MYO18A: variants seen among roughly 807,000 people sequenced by gnomAD.
MYO18A encodes the protein myosin XVIIIA.
In MYO18A, 78 loss-of-function variants were observed where a neutral mutation model predicts 235.8. The observed-to-expected ratio is 0.33, with a 90% CI of 0.28 to 0.40. MYO18A has a LOEUF of 0.40. Ranked by LOEUF, MYO18A falls within the 10% of genes least tolerant of loss-of-function variation. The pLI, the probability that MYO18A is intolerant of heterozygous loss-of-function variation, is 1.00. For missense variants in MYO18A, 2,215 were observed against 2,699.3 expected (o/e 0.82, Z 3.98); for synonymous variants, 977 against 1,077.8 (o/e 0.91, Z 1.83).
intron 2 of MYO18A, among the ~76,000 whole-genome samples, chr17:29,150,119 T>C (rs1269122527): frequency 6.6e-6 from 1 of 152,246 alleles, no homozygotes; most frequent in Non-Finnish European, 1.5e-5. Flanking sequence ...GAAGTTCTTC[T>C]AGACAAGCCT....
intron 7 of MYO18A, 117 bp from the exon 8 acceptor site, chr17:29,119,552 C>CT (rs2067148991): frequency 2.1e-5 from 11 of 513,090 alleles, no homozygotes; most frequent in South Asian, 7.9e-5. Flanking sequence ...CAAGCAGCTG[C>CT]ATTTTTTTTT....
intron 30 of MYO18A, 88 bp downstream of exon 30, chr17:29,094,562 G>T: frequency 7.5e-7 from 1 of 1,335,126 alleles, no homozygotes; most frequent in Non-Finnish European, 1.1e-6. Context: ...ATGGAGGCAG[G>T]ATCCTCTGGC....
chr17:29,110,304 G>A (rs1031643342), intron 18 of MYO18A, 132 bp downstream of exon 18: 46 of 1,280,450 alleles, frequency 3.6e-5, no homozygotes, highest in Non-Finnish European at 4.8e-5. Flanking sequence ...ACCCCCACCT[G>A]CAGCCATTGA....
At chr17:29,137,080 A>C (rs894779424) in intron 2 of MYO18A, 1 of 152,140 alleles carries the variant, frequency 6.6e-6, no homozygotes, top group Admixed American at 6.6e-5. Context: ...ATAACAACAC[A>C]CTTTCTAGAT....
Position 29,074,650 on chromosome 17 carries a change from G to C in MYO18A, c.*120C>G. On this transcript the variant is annotated 3_prime_UTR_variant, in exon 42 of 42. Transcript: ENST00000527372. This position sits in a 1 kb window ranked among gnomAD's most constrained non-coding sequence, Gnocchi z 4.4. ...AGTGCCCCTGACAGAAGAAGGTCAG[G>C]GTGTTTCCCATGCAGATCAGCAGTC... 9.0e-7 allele frequency: 1 copy of C among 1,112,334 alleles called. No individual in the cohort carries two copies. The highest frequency in any genetic ancestry group is 2.4e-5 in the East Asian group (1 of 42,012). The allele number at this position is 1,112,334 out of a possible 1,614,324, so 68.9% of individuals were successfully genotyped here. A position where few individuals can be genotyped will look rare whatever the true frequency, so the allele number is the denominator to read the frequency against.
At position 29,076,665 on chromosome 17, in the gene MYO18A, A is replaced by G. The variant is rs191809626; in HGVS notation, c.6021-1751T>C. Reference sequence around the variant, plus strand: ...GGGGGTTTCTAGGACAAAATTATAAAGCTCACTGATGACTATGCAATATAG... The same window carrying G: ...GGGGGTTTCTAGGACAAAATTATAAGGCTCACTGATGACTATGCAATATAG... On this transcript the variant is annotated intron_variant, in intron 41 of 41. Transcript: ENST00000527372. 6 of 152,350 alleles carry G rather than the reference A, an allele frequency of 3.9e-5. No homozygotes were observed. The East Asian group carries it at 1.2e-3, about 29-fold the overall frequency. The allele number at this position is 152,350 out of a possible 1,614,324, so 9.4% of individuals were successfully genotyped here.
intron 2 of MYO18A, among the ~76,000 whole-genome samples, chr17:29,129,296 A>T (rs1219754033): frequency 6.6e-6 from 1 of 152,136 alleles, no homozygotes; most frequent in East Asian, 1.9e-4. Context: ...GTCTCCTTGC[A>T]GTTTTCCTCC....
At chr17:29,172,547 G>A (rs1474213401) in intron 1 of MYO18A, among the ~76,000 whole-genome samples, 2 of 152,032 alleles carry the variant, frequency 1.3e-5, no homozygotes, top group Non-Finnish European at 2.9e-5. Context: ...AGGCCTCCAT[G>A]CCTCCATTTC....
At chr17:29,176,120 T>C (rs752696354) in intron 1 of MYO18A, among the ~76,000 whole-genome samples, 3 of 151,722 alleles carry the variant, frequency 2.0e-5, no homozygotes, top group Non-Finnish European at 4.4e-5. Flanking sequence ...CTCTGGAGAG[T>C]AGGGGAGAAG....
At chr17:29,089,345 C>T (rs1219656132) in intron 37 of MYO18A, among the ~76,000 whole-genome samples, 1 of 123,808 alleles carries the variant, frequency 8.1e-6, no homozygotes, top group Non-Finnish European at 1.6e-5. Flanking sequence ...CGCTTGAACC[C>T]GGGAGGTGGA....
chr17:29,145,262 T>C (rs1222573180), intron 2 of MYO18A, among the ~76,000 whole-genome samples: 1 of 152,212 alleles, frequency 6.6e-6, no homozygotes, highest in Admixed American at 6.5e-5. Context: ...CCAACTGATC[T>C]GAACGGTGCA....
At chr17:29,152,913 C>T (rs1437781140) in intron 2 of MYO18A, among the ~76,000 whole-genome samples, 1 of 151,970 alleles carries the variant, frequency 6.6e-6, no homozygotes, top group African/African-American at 2.4e-5. Context: ...CAAAGTAGCA[C>T]TATCTTTCGC....
At chr17:29,110,365 T>C in intron 18 of MYO18A, 71 bp downstream of exon 18, 2 of 1,466,142 alleles carry the variant, frequency 1.4e-6, no homozygotes, top group East Asian at 2.5e-5. Context: ...GTGCTCGGAG[T>C]CCCCAGGCCT....
intron 41 of MYO18A, chr17:29,080,189 T>C (rs2066084975): frequency 4.1e-6 from 4 of 985,900 alleles, no homozygotes; most frequent in African/African-American, 1.7e-5. Context: ...ATGCTCTTCC[T>C]GTCATCCTCC....
chr17:29,157,087 T>C (rs1246340460), intron 2 of MYO18A, among the ~76,000 whole-genome samples: 1 of 152,194 alleles, frequency 6.6e-6, no homozygotes, highest in Non-Finnish European at 1.5e-5. Context: ...AGCACTAGCA[T>C]GCCAGTATGG....
chr17:29,094,145 T>C (rs549688139), intron 30 of MYO18A, 55 bp from the exon 31 acceptor site: 69 of 1,309,422 alleles, frequency 5.3e-5, no homozygotes, highest in Non-Finnish European at 7.1e-5. Flanking sequence ...GCCACCCCCT[T>C]CCCACCTGTG....
intron 2 of MYO18A, among the ~76,000 whole-genome samples, chr17:29,139,991 C>A (rs1567626658): frequency 6.6e-6 from 1 of 152,006 alleles, no homozygotes; most frequent in African/African-American, 2.4e-5. Flanking sequence ...GAATGAAGGC[C>A]AAAAAAGCAC....
Position 29,111,286 on chromosome 17 carries a change from C to T in MYO18A, c.2900+138G>A. 1 of 1,013,228 alleles carries T rather than the reference C, an allele frequency of 9.9e-7. No homozygotes were observed. The highest frequency in any genetic ancestry group is 1.4e-6 in the Non-Finnish European group (1 of 696,624). 62.8% of individuals were successfully genotyped at this position (1,013,228 alleles called of 1,614,324 possible). ...CTCAAGCTCCTCAAGGCCAAGTGCC[C>T]TGGGCTGTTGCCTCTCAGGAATAAA... On this transcript the variant is annotated intron_variant, in intron 17 of 41. Coordinates refer to ENST00000527372, the MANE Select transcript of MYO18A (RefSeq NM_078471.4). The surrounding 1 kb of genome is among the most constrained non-coding windows in gnomAD (Gnocchi z 5.1).
At chr17:29,080,133 G>A in intron 41 of MYO18A, 1 of 985,948 alleles carries the variant, frequency 1.0e-6, no homozygotes, top group Non-Finnish European at 1.2e-6. Context: ...GGCGGATGCT[G>A]GCAGCTCGCT....
Sources: allele counts gnomAD v4.1 joint callset (sites outside exome capture counted in the v4.1 genomes callset), GRCh38; gene constraint gnomAD v4.1.1; non-coding constraint Gnocchi (gnomAD v3.1); transcripts MANE v1.5; gene names NCBI Gene and HGNC (gene_info 2026-07-23, HGNC 2026-07-21).